The following IFT122 variants were observed in gnomAD, a reference collection of about 807,000 sequenced individuals.
IFT122 encodes the protein intraflagellar transport 122.
IFT122 carries 118 observed loss-of-function variants against 161.6 expected under a neutral mutation model. That is an observed-to-expected ratio of 0.73 (90% confidence interval 0.63 to 0.85). The LOEUF is 0.85. IFT122 is among the 40% of genes least tolerant of loss of function. The pLI is 0.00. For synonymous variants in IFT122, 550 were observed against 602.4 expected, an observed-to-expected ratio of 0.91 and a Z score of 1.27; for missense variants, 1,381 against 1,579.6, an observed-to-expected ratio of 0.87 and a Z score of 2.13.
At chr3:129,447,761 T>C (rs1432368790) in intron 1 of IFT122, among the ~76,000 whole-genome samples, 1 of 152,152 alleles carries the variant, frequency 6.6e-6, no homozygotes, top group Non-Finnish European at 1.5e-5. Flanking sequence ...TCCGCCCGCC[T>C]CGGCCTCCCA....
At chr3:129,441,939 T>A (rs1039822430) in intron 1 of IFT122, among the ~76,000 whole-genome samples, 3 of 152,220 alleles carry the variant, frequency 2.0e-5, no homozygotes, top group Non-Finnish European at 4.4e-5. Flanking sequence ...GCAGAGCTCA[T>A]GCTCGGCCTA....
chr3:129,496,276 A>AG, intron 18 of IFT122, among the ~76,000 whole-genome samples: 1 of 152,054 alleles, frequency 6.6e-6, no homozygotes. Flanking sequence ...TTCCTGGACC[A>AG]GGCTCCTGAT....
rs755545448 is a variant in IFT122 at position 129,481,631 on chromosome 3, C to T, written c.1590C>T (p.Ala530=). The change falls in exon 14 of 30, where the codon GCC becomes GCT. Residue 530 remains alanine, a synonymous_variant. Coordinates refer to ENST00000348417, the MANE Select transcript of IFT122 (RefSeq NM_052989.3). ...LDMSASRKKL[A]VVDENDTCLV... is the part of the protein sequence containing the mutation. Reference sequence around the variant, plus strand: ...TGAGTGCCTCCCGTAAGAAGCTGGCCGTGGTAGATGAAAATGACACTTGCC... The same window carrying T: ...TGAGTGCCTCCCGTAAGAAGCTGGCTGTGGTAGATGAAAATGACACTTGCC... 3.0e-5 allele frequency: 49 copies of T among 1,610,378 alleles called. No homozygotes were observed. Among genetic ancestry groups the T allele is most frequent in the Non-Finnish European group, 3.8e-5 (45 of 1,176,756 alleles).
intron 7 of IFT122, among the ~76,000 whole-genome samples, chr3:129,466,525 G>A (rs1217831756): frequency 1.7e-4 from 22 of 130,790 alleles, no homozygotes; most frequent in Admixed American, 1.7e-4. Context: ...TTTTTGAGAC[G>A]GGGTCTCACT....
At chr3:129,444,799 C>T (rs748334887) in intron 1 of IFT122, among the ~76,000 whole-genome samples, 2 of 152,154 alleles carry the variant, frequency 1.3e-5, no homozygotes, top group East Asian at 1.9e-4. Flanking sequence ...AGATTATAGG[C>T]GTGAGCCACC....
At chr3:129,491,481 T>C (rs1043303034) in intron 16 of IFT122, among the ~76,000 whole-genome samples, 2 of 152,192 alleles carry the variant, frequency 1.3e-5, no homozygotes, top group Non-Finnish European at 2.9e-5. Context: ...TAGAGGTCCA[T>C]GAGTTAAAGT....
intron 12 of IFT122, among the ~76,000 whole-genome samples, chr3:129,478,476 A>G (rs1330045992): frequency 3.3e-5 from 5 of 152,196 alleles, no homozygotes; most frequent in African/African-American, 1.2e-4. Context: ...CTTGAGACAG[A>G]CAGGGTCTTG....
At chr3:129,461,036 C>A in intron 4 of IFT122, 192 bp from the exon 5 acceptor site, 1 of 1,086,060 alleles carries the variant, frequency 9.2e-7, no homozygotes, top group South Asian at 1.3e-5. Context: ...AATAAGAAAA[C>A]AGTGGGTGAG....
chr3:129,483,975 C>A, intron 15 of IFT122: 1 of 473,238 alleles, frequency 2.1e-6, no homozygotes. Flanking sequence ...TTGCAGAGAG[C>A]CCAGCGTGGG....
Position 129,517,710 on chromosome 3 carries a change from G to C in IFT122, c.3391+116G>C, listed in dbSNP as rs539846883. ...CGCGGGCCATGCTGAGCCTGGCCCTGTGTTCCCAGAGAGATTGGAGAGGCC... is the reference window on the plus strand; with the variant it reads ...CGCGGGCCATGCTGAGCCTGGCCCTCTGTTCCCAGAGAGATTGGAGAGGCC... On this transcript the variant is annotated intron_variant, in intron 27 of 29. Transcript: ENST00000348417. 3.3e-4 allele frequency: 456 copies of C among 1,369,640 alleles called. 2 individuals carry two copies. Among genetic ancestry groups the C allele is most frequent in the South Asian group, 1.9e-3 (164 of 85,688 alleles). The allele number at this position is 1,369,640 out of a possible 1,614,324, so 84.8% of individuals were successfully genotyped here.
Position 129,478,004 on chromosome 3 carries a change from T to C in IFT122, c.1148-12T>C, listed in dbSNP as rs2078164888. 2 of 1,612,490 alleles carry C rather than the reference T, an allele frequency of 1.2e-6. No homozygotes were observed. The highest frequency in any genetic ancestry group is 3.3e-5 in the Admixed American group (2 of 60,024). Reference sequence around the variant, plus strand: ...ACCTCTTGCTAGAACTAGATATTTTTTTCTTTGACAGTTCGGATTAAATGC... The same window carrying C: ...ACCTCTTGCTAGAACTAGATATTTTCTTCTTTGACAGTTCGGATTAAATGC... On this transcript the variant is annotated splice_polypyrimidine_tract_variant and intron_variant, in intron 11 of 29. Transcript: ENST00000348417.
At chr3:129,505,562 C>G (rs967563681) in intron 21 of IFT122, among the ~76,000 whole-genome samples, 3 of 152,182 alleles carry the variant, frequency 2.0e-5, no homozygotes, top group African/African-American at 7.2e-5. Context: ...GGTACTCAGA[C>G]AAGAGGTTGT....
At chr3:129,465,350 A>G (rs1185583491) in intron 7 of IFT122, among the ~76,000 whole-genome samples, 1 of 152,072 alleles carries the variant, frequency 6.6e-6, no homozygotes, top group Non-Finnish European at 1.5e-5. Flanking sequence ...AATTAAGTCT[A>G]CAGACGTCCC....
At chr3:129,517,390 CT>C in intron 26 of IFT122, 78 bp from the exon 27 acceptor site, 1 of 1,588,928 alleles carries the variant, frequency 6.3e-7, no homozygotes, top group Non-Finnish European at 8.6e-7. Context: ...AGAAGCAACT[CT>C]GTGGTCACCC....
rs1165933581 is a variant in IFT122, at chr3:129,495,726, A to C, written c.2208+119A>C. The C allele has an allele frequency of 4.7e-5, 56 of 1,187,216 alleles. No individual in the cohort carries two copies. In the East Asian group the frequency reaches 8.1e-4, roughly 17 times the overall value. The allele number at this position is 1,187,216 out of a possible 1,614,324, so 73.5% of individuals were successfully genotyped here. A position where few individuals can be genotyped will look rare whatever the true frequency, so the allele number is the denominator to read the frequency against. ...GACAAAAACTAGCAATGGTCTCAGAAAGGATGTGGGGAAACTGGTAAACAA... is the reference window on the plus strand; with the variant it reads ...GACAAAAACTAGCAATGGTCTCAGACAGGATGTGGGGAAACTGGTAAACAA... On this transcript the variant is annotated intron_variant, in intron 18 of 29. Transcript: ENST00000348417.
intron 2 of IFT122, among the ~76,000 whole-genome samples, chr3:129,450,950 G>A (rs2074747077): frequency 6.6e-6 from 1 of 151,920 alleles, no homozygotes. Flanking sequence ...TCGATCTCCT[G>A]ACCTCGTAAT....
rs776893048 is a variant in IFT122, at chr3:129,476,365, T to C, written c.867T>C (p.Phe289=). 1.9e-6 allele frequency: 3 copies of C among 1,614,202 alleles called. No homozygotes were observed. The East Asian group carries it at 6.7e-5, about 36-fold the overall frequency. Residue 289 remains phenylalanine, a synonymous_variant, in exon 10 of 30, where the codon TTT becomes TTC. Transcript: ENST00000348417. ...LNFDPCCISY[F]TKGEYILLGG... ...TTGACCCCTGCTGCATCAGCTACTT[T>C]ACTAAAGGCGAGTACATTTTGCTGG...
At position 129,448,266 on chromosome 3, in the gene IFT122, C is replaced by T. The variant is rs112300583; in HGVS notation, c.42-1605C>T. Among the ~76,000 whole-genome samples the T allele has an allele frequency of 5.8e-3, 883 of 152,144 alleles. 5 individuals are homozygous for T. Among genetic ancestry groups the T allele is most frequent in the African/African-American group, 0.015 (619 of 41,516 alleles). ...AGGTTACGAGTAGAAGTTTAACAGG[C>T]GAAAGAAAGAGAAGAGCTCACTGCA... On this transcript the variant is annotated intron_variant, in intron 1 of 29. Transcript: ENST00000348417.
At position 129,466,750 on chromosome 3, in the gene IFT122, G is replaced by GC. The variant is rs1349486334; in HGVS notation, c.564-138dup. ...ACTCCTGATCTCGAGCGATTCACTTGCCTCGGCCTCCTGAAGTGCTGGGAT... is the reference window on the plus strand; with the variant it reads ...ACTCCTGATCTCGAGCGATTCACTTGCCCTCGGCCTCCTGAAGTGCTGGGAT... On this transcript the variant is annotated intron_variant, in intron 7 of 29. Coordinates refer to ENST00000348417, the MANE Select transcript of IFT122 (RefSeq NM_052989.3). 73 of 777,058 alleles carry GC rather than the reference G, an allele frequency of 9.4e-5. No homozygotes were observed. In the African/African-American group the frequency reaches 1.2e-3, roughly 12 times the overall value. 48.1% of individuals were successfully genotyped at this position (777,058 alleles called of 1,614,324 possible). A position where few individuals can be genotyped will look rare whatever the true frequency, so the allele number is the denominator to read the frequency against.
Sources: allele counts gnomAD v4.1 joint callset (sites outside exome capture counted in the v4.1 genomes callset), GRCh38; gene constraint gnomAD v4.1.1; transcripts MANE v1.5; gene names NCBI Gene and HGNC (gene_info 2026-07-23, HGNC 2026-07-21).